MORN1: variants seen among roughly 807,000 people sequenced by gnomAD.
MORN1 encodes MORN repeat-containing protein 1.
MORN1 carries 67 observed loss-of-function variants against 61.9 expected under a neutral mutation model. That is an observed-to-expected ratio of 1.08 (90% CI 0.89 to 1.33). MORN1 has a LOEUF of 1.33. MORN1 is among the 40% of genes most tolerant of loss of function. The probability of loss-of-function intolerance (pLI) is 0.00; values close to 1 mark genes in which losing one functional copy is unlikely to be tolerated. For synonymous variants in MORN1, 301 were observed against 292.0 expected, an observed-to-expected ratio of 1.03 and a Z score of -0.31; for missense variants, 752 against 691.2, an observed-to-expected ratio of 1.09 and a Z score of -0.99.
At chr1:2,370,910 G>C (rs1409016764) in intron 8 of MORN1, among the ~76,000 whole-genome samples, 1 of 151,590 alleles carries the variant, frequency 6.6e-6, no homozygotes, top group Non-Finnish European at 1.5e-5. Flanking sequence ...GGCTGGTCTT[G>C]ATCTCCTGGA....
chr1:2,362,464 G>C (rs1164102132), intron 8 of MORN1, among the ~76,000 whole-genome samples: 1 of 152,006 alleles, frequency 6.6e-6, no homozygotes, highest in African/African-American at 2.4e-5. Context: ...CATCCCAAGT[G>C]GACCATCGAG....
chr1:2,355,578 T>G, intron 10 of MORN1: 1 of 1,194,910 alleles, frequency 8.4e-7, no homozygotes, highest in South Asian at 1.3e-5. Context: ...GCGGAGGCTC[T>G]TCCCAGGGCG....
Position 2,348,725 on chromosome 1 carries a change from GCACACGCACACCTGCGCGGGCACGCACA to G in MORN1, c.1036+8679_1036+8706del, listed in dbSNP as rs1557876309. Among the ~76,000 whole-genome samples the G allele has an allele frequency of 7.7e-4, 103 of 133,470 alleles. 1 individual carries two copies. Among genetic ancestry groups the G allele is most frequent in the African/African-American group, 2.7e-3 (93 of 35,032 alleles). 87.6% of individuals were successfully genotyped at this position (133,470 alleles called of 152,430 possible). A position where few individuals can be genotyped will look rare whatever the true frequency, so the allele number is the denominator to read the frequency against. ...CGCACACGCACACCTGCGCGGGCAC[GCACACGCACACCTGCGCGGGCACGCACA>G]CACACGCACACCTGCGCAGGCACGC... On this transcript the variant is annotated intron_variant, in intron 10 of 13. Transcript: ENST00000378531.
chr1:2,335,846 C>CCCAGT (rs370659459), intron 12 of MORN1, among the ~76,000 whole-genome samples: 1 of 149,930 alleles, frequency 6.7e-6, no homozygotes, highest in African/African-American at 2.5e-5. Flanking sequence ...CCCAGCCCAG[C>CCCAGT]GCGCAGCTGC....
chr1:2,385,165 G>A (rs994685042), intron 5 of MORN1, 100 bp from the exon 6 acceptor site: 4 of 1,265,810 alleles, frequency 3.2e-6, no homozygotes, highest in Non-Finnish European at 4.4e-6. Flanking sequence ...GGCACTGCGG[G>A]ACCGAGGCAA....
chr1:2,322,932 GC>G (rs1317541400), intron 13 of MORN1: 1 of 985,316 alleles, frequency 1.0e-6, no homozygotes, highest in Non-Finnish European at 1.2e-6. Flanking sequence ...ACGTGATCTA[GC>G]CCTGGGCCAG....
chr1:2,339,067 C>G (rs550427875), intron 10 of MORN1, among the ~76,000 whole-genome samples: 10 of 152,290 alleles, frequency 6.6e-5, no homozygotes, highest in Non-Finnish European at 1.0e-4. Flanking sequence ...GGCAGAAGCT[C>G]TCCTCTGTGC....
rs1226945157 is a variant in MORN1 at position 2,384,967 on chromosome 1, C to G, written c.537+11G>C. ...CCCTCTGGGCAGCAGGTGCCGCGCG[C>G]CCCCGGGTACCTTGTAGGTGGAGCC... is the stretch of plus-strand genomic sequence containing the variant. On this transcript the variant is annotated intron_variant, in intron 6 of 13. Transcript: ENST00000378531. 15 of 1,550,874 alleles carry G rather than the reference C, an allele frequency of 9.7e-6. No homozygotes were observed. The highest frequency in any genetic ancestry group is 1.4e-5 in the African/African-American group (1 of 73,478).
intron 12 of MORN1, chr1:2,326,732 TCTC>T (rs1306320700): frequency 6.6e-6 from 1 of 152,486 alleles, no homozygotes; most frequent in East Asian, 1.9e-4. Flanking sequence ...CCCGGCGCCA[TCTC>T]CTGCCAGTTC....
At position 2,337,258 on chromosome 1, in the gene MORN1, G is replaced by A. The variant is rs1369641167; in HGVS notation, c.1037-408C>T. Among the ~76,000 whole-genome samples the A allele has an allele frequency of 6.6e-6, 1 of 152,308 alleles. No homozygotes were observed. The highest frequency in any genetic ancestry group is 1.5e-5 in the Non-Finnish European group (1 of 68,014). On this transcript the variant is annotated intron_variant, in intron 10 of 13. Coordinates refer to ENST00000378531, the MANE Select transcript of MORN1 (RefSeq NM_024848.3). This position sits in a 1 kb window ranked among gnomAD's most constrained non-coding sequence, Gnocchi z 5.7. ...TACAGCTGTGTGCCCTCCTCGGAGC[G>A]CAGCATGAGGAGGAAGATGGTTCTG...
At chr1:2,354,766 G>A (rs896634339) in intron 10 of MORN1, among the ~76,000 whole-genome samples, 1 of 152,192 alleles carries the variant, frequency 6.6e-6, no homozygotes, top group Non-Finnish European at 1.5e-5. Context: ...GGAAACTGAG[G>A]CACAGAGAGG....
rs981779634 is a variant in MORN1 at position 2,370,310 on chromosome 1, T to C, written c.745+2171A>G. On this transcript the variant is annotated intron_variant, in intron 8 of 13. Coordinates refer to ENST00000378531, the MANE Select transcript of MORN1 (RefSeq NM_024848.3). ...ACATCCCCATGAAGAAAAGATGAATTTAGAACTTTATCTTTTCCATAAAAA... is the reference window on the plus strand; with the variant it reads ...ACATCCCCATGAAGAAAAGATGAATCTAGAACTTTATCTTTTCCATAAAAA... Among the ~76,000 whole-genome samples, 3 of 152,174 alleles carry C rather than the reference T, an allele frequency of 2.0e-5. No homozygotes were observed. In the South Asian group the frequency reaches 6.2e-4, roughly 31 times the overall value.
At chr1:2,370,148 T>C (rs987310430) in intron 8 of MORN1, among the ~76,000 whole-genome samples, 3 of 152,208 alleles carry the variant, frequency 2.0e-5, no homozygotes, top group African/African-American at 4.8e-5. Flanking sequence ...TAAATCAGGA[T>C]AGACAGATCA....
chr1:2,354,226 G>A (rs1038430262), intron 10 of MORN1, among the ~76,000 whole-genome samples: 5 of 152,146 alleles, frequency 3.3e-5, no homozygotes, highest in African/African-American at 1.2e-4. Flanking sequence ...CCTGCCGACC[G>A]TGCTCTGGGG....
chr1:2,382,133 G>C (rs1642385901), intron 6 of MORN1, among the ~76,000 whole-genome samples: 1 of 152,222 alleles, frequency 6.6e-6, no homozygotes, highest in Non-Finnish European at 1.5e-5. Context: ...GGACAAAGCT[G>C]TCCATGGTCC....
In MORN1 at chr1:2,334,015, G is replaced by C. The variant is rs1641214758; in HGVS notation, c.1250+2454C>G. Among the ~76,000 whole-genome samples the C allele has an allele frequency of 6.6e-6, 1 of 152,190 alleles. No homozygotes were observed. The highest frequency in any genetic ancestry group is 1.5e-5 in the Non-Finnish European group (1 of 68,044). On this transcript the variant is annotated intron_variant, in intron 12 of 13. Transcript: ENST00000378531. The surrounding 1 kb of genome is among the most constrained non-coding windows in gnomAD (Gnocchi z 5.4). ...AGACCAGAGGGAGGGGTGCATGGGA[G>C]ACCCCAGAGCTTCTTCCTCACCGCA...
rs752466999 is a variant in MORN1, at chr1:2,372,525, G to A, written c.701C>T (p.Ser234Leu). The change falls in exon 8 of 14, where the codon TCG becomes TTG. Residue 234 changes from serine to leucine, a missense_variant. Coordinates refer to ENST00000378531, the MANE Select transcript of MORN1 (RefSeq NM_024848.3). This position sits in a 1 kb window ranked among gnomAD's most constrained non-coding sequence, Gnocchi z 5.4. ...GTCCTGCAGCAGCTGAACGTTCACC[G>A]AGAAGGGAGACCCTTGGGCCACTTC... is the stretch of plus-strand genomic sequence containing the variant. The part of the protein sequence containing the change: ...VMEVAQGSPF[S>L]VNVQLLQDHG... 5 of 1,613,822 alleles carry A rather than the reference G, an allele frequency of 3.1e-6. No individual in the cohort carries two copies. The highest frequency in any genetic ancestry group is 1.3e-5 in the African/African-American group (1 of 74,880).
Position 2,385,912 on chromosome 1 carries a change from G to A in MORN1, c.359-15C>T, listed in dbSNP as rs369547689. On this transcript the variant is annotated splice_polypyrimidine_tract_variant and intron_variant, in intron 4 of 13. Transcript: ENST00000378531. ...AAACCCGTGTCCTGGAGAAGGGACC[G>A]AGAGACAGACTTGGCTTTGTGCCTC... The A allele has an allele frequency of 3.7e-5, 59 of 1,611,194 alleles. No individual in the cohort carries two copies. In the East Asian group the frequency reaches 9.8e-4, roughly 27 times the overall value.
chr1:2,322,665 G>A (rs1040189922), intron 13 of MORN1: 24 of 985,354 alleles, frequency 2.4e-5, no homozygotes, highest in South Asian at 4.7e-5. Context: ...CCTGGCGGGC[G>A]GAGGAAGAGC....
Sources: gnomAD v4.1 joint callset for allele counts (sites outside exome capture counted in the v4.1 genomes callset) on GRCh38, gnomAD v4.1.1 for gene constraint, Gnocchi (gnomAD v3.1) non-coding constraint, MANE v1.5 for transcripts, NCBI Gene and HGNC (gene_info 2026-07-23, HGNC 2026-07-21) for gene names.